The following TLE7 variants were observed in gnomAD, a reference collection of about 807,000 sequenced individuals.
TLE7 encodes the protein TLE family member 7.
intron 9 of TLE7, 62 bp downstream of exon 9, chr16:71,430,606 A>T (rs953351378): frequency 2.5e-6 from 1 of 398,018 alleles, no homozygotes; most frequent in African/African-American, 2.1e-5. Context: ...AATCCAACCA[A>T]CTGGGACCTG....
intron 1 of TLE7, among the ~76,000 whole-genome samples, chr16:71,441,607 G>A (rs1290549700): frequency 6.6e-6 from 1 of 152,210 alleles, no homozygotes; most frequent in Non-Finnish European, 1.5e-5. Context: ...AGCGGGCAGG[G>A]GTGCAGCGAG....
At position 71,434,199 on chromosome 16, in the gene TLE7, T is replaced by C. The variant is rs2042817961; in HGVS notation, c.-96-779A>G. Among the ~76,000 whole-genome samples, 2 of 152,116 alleles carry C rather than the reference T, an allele frequency of 1.3e-5. 1 individual carries two copies. Among genetic ancestry groups the C allele is most frequent in the Non-Finnish European group, 2.9e-5 (2 of 68,026 alleles). ...TACTATTTCCTACCCTATGGGATAA[T>C]TCTGAGAACTGGATGCAATCACTCA... is the stretch of plus-strand genomic sequence containing the variant. On this transcript the variant is annotated intron_variant, in intron 1 of 9. Coordinates refer to ENST00000561754, the MANE Select transcript of TLE7 (RefSeq NM_001367365.2).
chr16:71,437,313 C>T (rs1414661127), intron 1 of TLE7, among the ~76,000 whole-genome samples: 1 of 130,090 alleles, frequency 7.7e-6, no homozygotes, highest in African/African-American at 2.9e-5. Context: ...TGCGCCACTG[C>T]ATTCCAGCCT....
At chr16:71,436,476 G>A (rs2042826537) in intron 1 of TLE7, among the ~76,000 whole-genome samples, 1 of 152,198 alleles carries the variant, frequency 6.6e-6, no homozygotes. Flanking sequence ...TGAATTGGGG[G>A]TAGTAAGACA....
intron 1 of TLE7, among the ~76,000 whole-genome samples, chr16:71,440,466 A>G (rs1426315008): frequency 6.7e-6 from 1 of 148,592 alleles, no homozygotes; most frequent in Non-Finnish European, 1.5e-5. Flanking sequence ...CAACAGAGCG[A>G]GACTGCGCCT....
At chr16:71,432,938 C>T (rs1190341533) in intron 2 of TLE7, 46 bp from the exon 3 acceptor site, 2 of 399,270 alleles carry the variant, frequency 5.0e-6, no homozygotes, top group East Asian at 7.1e-5. Context: ...GTGTGAGCCA[C>T]AGAGCTTCCT....
At chr16:71,438,699 A>G (rs1362040472) in intron 1 of TLE7, among the ~76,000 whole-genome samples, 1 of 151,500 alleles carries the variant, frequency 6.6e-6, no homozygotes, top group East Asian at 1.9e-4. Flanking sequence ...AAAAAAAAAA[A>G]AGCGAAAATA....
intron 1 of TLE7, among the ~76,000 whole-genome samples, chr16:71,438,155 G>A (rs1260976499): frequency 6.6e-6 from 1 of 152,134 alleles, no homozygotes; most frequent in Non-Finnish European, 1.5e-5. Context: ...AGGAGTGGCC[G>A]GACACAGTGG....
At chr16:71,432,835 G>A (rs9930279) in intron 3 of TLE7, 35 bp downstream of exon 3, 8,657 of 399,102 alleles carry the variant, frequency 0.022, 597 homozygotes, top group African/African-American at 0.15. Context: ...GGCCCAGCTT[G>A]GGCAACCACA....
At chr16:71,436,724 C>T (rs1175613055) in intron 1 of TLE7, among the ~76,000 whole-genome samples, 1 of 152,226 alleles carries the variant, frequency 6.6e-6, no homozygotes, top group Non-Finnish European at 1.5e-5. Flanking sequence ...GTGGGAGGGA[C>T]ACGGGGCCGC....
intron 1 of TLE7, among the ~76,000 whole-genome samples, chr16:71,438,424 C>CAAAAAA (rs11383356): frequency 1.2e-5 from 1 of 83,026 alleles, no homozygotes; most frequent in African/African-American, 4.6e-5. Context: ...GACTCCATCT[C>CAAAAAA]AAAAAAAAAA....
chr16:71,440,716 C>T (rs889301482), intron 1 of TLE7, among the ~76,000 whole-genome samples: 2 of 152,172 alleles, frequency 1.3e-5, no homozygotes, highest in Non-Finnish European at 2.9e-5. Flanking sequence ...GGGTAGCTGT[C>T]GTCAAATGGC....
chr16:71,433,959 A>G (rs1009141982), intron 1 of TLE7, among the ~76,000 whole-genome samples: 1 of 152,194 alleles, frequency 6.6e-6, no homozygotes, highest in African/African-American at 2.4e-5. Flanking sequence ...CTCCGTCTCA[A>G]AAAAATCAAA....
intron 8 of TLE7, 88 bp from the exon 9 acceptor site, chr16:71,430,829 T>C (rs9935129): frequency 0.024 from 9,484 of 397,534 alleles, 753 homozygotes; most frequent in African/African-American, 0.17. Context: ...AGGGCAAGTC[T>C]TTCTCTGCCT....
intron 1 of TLE7, among the ~76,000 whole-genome samples, chr16:71,439,108 C>G (rs1375052686): frequency 6.6e-6 from 1 of 152,192 alleles, no homozygotes; most frequent in Non-Finnish European, 1.5e-5. Flanking sequence ...CAGAGCTGAC[C>G]ATGACCCGTG....
At chr16:71,433,828 C>T (rs753125165) in intron 1 of TLE7, among the ~76,000 whole-genome samples, 1 of 151,872 alleles carries the variant, frequency 6.6e-6, no homozygotes, top group Non-Finnish European at 1.5e-5. Context: ...CATGATGGCA[C>T]GTGCCTGTAA....
At chr16:71,439,225 A>C (rs1299022194) in intron 1 of TLE7, among the ~76,000 whole-genome samples, 1 of 152,158 alleles carries the variant, frequency 6.6e-6, no homozygotes, top group Non-Finnish European at 1.5e-5. Context: ...GGGGTGTGTG[A>C]GCCCAGAGAA....
rs2042813333 is a variant in TLE7 at position 71,433,018 on chromosome 16, G to A, written c.307C>T (p.Pro103Ser). 2 of 398,590 alleles carry A rather than the reference G, an allele frequency of 5.0e-6. No homozygotes were observed. Among genetic ancestry groups the A allele is most frequent in the Non-Finnish European group, 8.8e-6 (2 of 226,220 alleles). 24.7% of individuals were successfully genotyped at this position (398,590 alleles called of 1,614,324 possible). The change falls in exon 2 of 10, where the codon CCA (proline) becomes TCA (serine). Residue 103 changes from proline to serine, a missense_variant. Pro to Ser is a moderately conservative substitution (Grantham distance 74, BLOSUM62 -1). Coordinates refer to ENST00000561754, the MANE Select transcript of TLE7 (RefSeq NM_001367365.2). ...TCAGGTTCAAGCAAGACCTGCCTTGGGCTGGACTCTGCTGCTTCTCCTGGT... is the reference window on the plus strand; with the variant it reads ...TCAGGTTCAAGCAAGACCTGCCTTGAGCTGGACTCTGCTGCTTCTCCTGGT... ...AQPGEAAESSPSFLLGSEVGQ... is the reference protein window; with the variant it reads ...AQPGEAAESSSSFLLGSEVGQ...
At position 71,431,192 on chromosome 16, in the gene TLE7, C is replaced by T. The variant is rs929868581; in HGVS notation, c.1076G>A (p.Arg359His). Residue 359 changes from arginine (R) to histidine (H), a missense_variant, in exon 8 of 10, where the codon CGT (arginine) becomes CAT (histidine). Arg to His is a conservative substitution (Grantham distance 29). Coordinates refer to ENST00000561754, the MANE Select transcript of TLE7 (RefSeq NM_001367365.2). This position sits in a 1 kb window ranked among gnomAD's most constrained non-coding sequence, Gnocchi z 4.5. Reference protein sequence around the residue: ...RTSDIVFLHTRRNEQFKALMK... With the variant: ...RTSDIVFLHTHRNEQFKALMK... ...GAGAGCCTTAAACTGCTCATTCCGA[C>T]GAGTGTGAAGGAACACGATATCACT... 1.5e-5 allele frequency: 6 copies of T among 400,536 alleles called. No homozygotes were observed. Among genetic ancestry groups the T allele is most frequent in the African/African-American group, 6.2e-5 (3 of 48,662 alleles). The allele number at this position is 400,536 out of a possible 1,614,324, so 24.8% of individuals were successfully genotyped here.
Sources: allele counts gnomAD v4.1 joint callset (sites outside exome capture counted in the v4.1 genomes callset), GRCh38; gene constraint gnomAD v4.1.1; non-coding constraint Gnocchi (gnomAD v3.1); transcripts MANE v1.5; gene names NCBI Gene and HGNC (gene_info 2026-07-23, HGNC 2026-07-21).